The following FANCA variants were observed in gnomAD, a reference collection of about 807,000 sequenced individuals.
FANCA encodes FA complementation group A.
Under a neutral mutation model 194.3 loss-of-function variants are expected in FANCA, and 236 were observed. The observed-to-expected ratio is 1.21, with a 90% CI of 1.09 to 1.35. FANCA has a LOEUF of 1.35. Ranked by LOEUF, FANCA falls within the 40% of genes most tolerant of loss-of-function variation. The pLI is 0.00. For missense variants in FANCA, 2,628 were observed against 1,813.9 expected, an observed-to-expected ratio of 1.45 and a Z score of -8.15; for synonymous variants, 1,014 against 715.8, an observed-to-expected ratio of 1.42 and a Z score of -6.65.
chr16:89,747,993 A>C (rs2038449726), intron 33 of FANCA, among the ~76,000 whole-genome samples: 1 of 151,962 alleles, frequency 6.6e-6, no homozygotes, highest in African/African-American at 2.4e-5. Context: ...GCTCAGTGCA[A>C]CTCTGCCTCC....
chr16:89,785,333 G>A (rs887497673), intron 14 of FANCA, among the ~76,000 whole-genome samples: 10 of 152,196 alleles, frequency 6.6e-5, no homozygotes, highest in Non-Finnish European at 1.3e-4. Context: ...ATCCTTAGGG[G>A]TACAATTTGC....
chr16:89,785,904 G>A (rs1435850929), intron 14 of FANCA, among the ~76,000 whole-genome samples: 2 of 147,772 alleles, frequency 1.4e-5, no homozygotes, highest in African/African-American at 2.5e-5. Context: ...ACCCAGGCTG[G>A]AGTGCAGTGG....
intron 3 of FANCA, among the ~76,000 whole-genome samples, chr16:89,813,791 T>C (rs946578274): frequency 6.1e-5 from 9 of 147,464 alleles, no homozygotes; most frequent in Non-Finnish European, 1.2e-4. Flanking sequence ...AGTTTTTTTA[T>C]CTACAAGTCT....
chr16:89,749,780 C>G lies in FANCA; in HGVS notation c.3189G>C (p.Trp1063Cys), dbSNP rs776391208. The change falls in exon 32 of 43, where the codon TGG becomes TGC. Residue 1063 changes from tryptophan (W) to cysteine (C), a missense_variant. By Grantham distance (215) the Trp-to-Cys change is radical. Transcript: ENST00000389301. The stretch of plus-strand genomic sequence containing the variant: ...GTCTCTGAAGGCTGGCAGCCACGCT[C>G]CACCCGCTTGTCAGAGCCTGGAGCC... ...RRRLQALTSG[W>C]SVAASLQRQR... The G allele has an allele frequency of 1.9e-6, 3 of 1,614,216 alleles. No individual in the cohort carries two copies. Among genetic ancestry groups the G allele is most frequent in the Admixed American group, 3.3e-5 (2 of 60,020 alleles).
In FANCA at chr16:89,745,019, C is replaced by A. The variant is rs905270538; in HGVS notation, c.3566G>T (p.Cys1189Phe). Residue 1189 changes from cysteine (C) to phenylalanine (F), a missense_variant, in exon 36 of 43, where the codon TGC (cysteine) becomes TTC (phenylalanine). Coordinates refer to ENST00000389301, the MANE Select transcript of FANCA (RefSeq NM_000135.4). ...PVLLCRWRRH[C>F]QSPLPRELQK... ...CAGTTCCCGGGGCAGCGGGCTCTGG[C>A]AGTGTCTCCTCCACCGGCAGAGCAG... 16 of 1,610,662 alleles carry A rather than the reference C, an allele frequency of 9.9e-6. No homozygotes were observed. The Admixed American group carries it at 2.7e-4, about 27-fold the overall frequency.
chr16:89,813,227 C>T (rs1019451045), intron 3 of FANCA, among the ~76,000 whole-genome samples: 19 of 151,502 alleles, frequency 1.3e-4, no homozygotes, highest in Admixed American at 7.2e-4. Flanking sequence ...CCAGCCTGGG[C>T]AATATGGCAA....
At chr16:89,783,137 CT>C in intron 15 of FANCA, 35 bp from the exon 16 acceptor site, 1 of 1,529,894 alleles carries the variant, frequency 6.5e-7, no homozygotes, top group Non-Finnish European at 9.0e-7. Context: ...CACCGTTAGT[CT>C]GGGAACTGCC....
chr16:89,785,247 T>G (rs767652948), intron 14 of FANCA, among the ~76,000 whole-genome samples: 27 of 152,208 alleles, frequency 1.8e-4, no homozygotes, highest in Non-Finnish European at 4.0e-4. Flanking sequence ...ACTGAAGAGA[T>G]ATCTAAAAGT....
At chr16:89,803,209 A>C (rs1266373417) in intron 8 of FANCA, 50 bp downstream of exon 8, 1 of 1,537,274 alleles carries the variant, frequency 6.5e-7, no homozygotes. Flanking sequence ...CAACACTTGG[A>C]ATAAGGACGG....
chr16:89,799,762 G>A lies in FANCA; in HGVS notation c.793-124C>T, dbSNP rs1171209375. ...AAGAAACGGCACTTCAGGAGGCCGA[G>A]GCGGGCGGATCACGAGGTCAGGAGA... On this transcript the variant is annotated intron_variant, in intron 8 of 42. Coordinates refer to ENST00000389301, the MANE Select transcript of FANCA (RefSeq NM_000135.4). 3.8e-6 allele frequency: 3 copies of A among 787,290 alleles called. No individual in the cohort carries two copies. In the East Asian group the frequency reaches 8.0e-5, roughly 21 times the overall value. The allele number at this position is 787,290 out of a possible 1,614,324, so 48.8% of individuals were successfully genotyped here.
At chr16:89,741,077 A>G (rs2062121536) in intron 37 of FANCA, among the ~76,000 whole-genome samples, 1 of 152,242 alleles carries the variant, frequency 6.6e-6, no homozygotes, top group Non-Finnish European at 1.5e-5. Flanking sequence ...ACTTGCCTTT[A>G]AACAAAGCTA....
intron 32 of FANCA, among the ~76,000 whole-genome samples, chr16:89,749,220 T>C (rs2038496094): frequency 2.2e-5 from 3 of 134,756 alleles, no homozygotes; most frequent in African/African-American, 7.5e-5. Context: ...GAAGGTTTTG[T>C]TGTTGTTGTT....
chr16:89,798,953 T>C, intron 10 of FANCA: 1 of 1,611,618 alleles, frequency 6.2e-7, no homozygotes, highest in Non-Finnish European at 8.5e-7. Flanking sequence ...GGGCGCACCT[T>C]CCGACCTCAT....
intron 6 of FANCA, among the ~76,000 whole-genome samples, chr16:89,806,607 C>G (rs1183388406): frequency 6.6e-6 from 1 of 152,038 alleles, no homozygotes; most frequent in African/African-American, 2.4e-5. Flanking sequence ...TTGCACCGCC[C>G]TTAATCCATT....
rs754969165 is a variant in FANCA, at chr16:89,805,402, C to CA, written c.597-11dup. The stretch of plus-strand genomic sequence containing the variant: ...ATGCATGTCGGGATGGCTGGAGACA[C>CA]ACACAGAGGCAGACGTAAGGCTCAA... On this transcript the variant is annotated splice_polypyrimidine_tract_variant and intron_variant, in intron 6 of 42. Transcript: ENST00000389301. The CA allele has an allele frequency of 1.2e-6, 2 of 1,600,024 alleles. No individual in the cohort carries two copies. The highest frequency in any genetic ancestry group is 8.6e-7 in the Non-Finnish European group (1 of 1,167,534).
intron 21 of FANCA, among the ~76,000 whole-genome samples, chr16:89,774,729 CAAAAA>C (rs780078944): frequency 5.0e-4 from 11 of 22,200 alleles, no homozygotes; most frequent in Admixed American, 8.2e-4. Flanking sequence ...GACTCTGTCT[CAAAAA>C]AAAAAAAAAA....
At position 89,749,912 on chromosome 16, in the gene FANCA, A is replaced by T. The variant is rs1379021525; in HGVS notation, c.3067-10T>A. 1.2e-6 allele frequency: 2 copies of T among 1,613,936 alleles called. No homozygotes were observed. The highest frequency in any genetic ancestry group is 1.7e-6 in the Non-Finnish European group (2 of 1,180,026). Reference sequence around the variant, plus strand: ...GGTCAGCTACCATCTCCTGAAAAAGAGCAGTATGCTGGCACAGGAAGGCCT... The same window carrying T: ...GGTCAGCTACCATCTCCTGAAAAAGTGCAGTATGCTGGCACAGGAAGGCCT... On this transcript the variant is annotated splice_polypyrimidine_tract_variant and intron_variant, in intron 31 of 42. Coordinates refer to ENST00000389301, the MANE Select transcript of FANCA (RefSeq NM_000135.4).
At chr16:89,782,064 A>G (rs2039731756) in intron 17 of FANCA, among the ~76,000 whole-genome samples, 1 of 151,672 alleles carries the variant, frequency 6.6e-6, no homozygotes, top group African/African-American at 2.4e-5. Context: ...ACCATCTGAC[A>G]TTTGGCTGCT....
intron 15 of FANCA, among the ~76,000 whole-genome samples, chr16:89,784,589 T>C (rs191120036): frequency 6.6e-6 from 1 of 152,292 alleles, no homozygotes; most frequent in Admixed American, 6.5e-5. Context: ...ACCCACCTCC[T>C]TGGCCTAGGT....
Sources: allele counts gnomAD v4.1 joint callset (sites outside exome capture counted in the v4.1 genomes callset), GRCh38; gene constraint gnomAD v4.1.1; transcripts MANE v1.5; gene names NCBI Gene and HGNC (gene_info 2026-07-23, HGNC 2026-07-21).